ELP4: variants seen among roughly 807,000 people sequenced by gnomAD.
The protein encoded by ELP4 is elongator acetyltransferase complex subunit 4.
Under a neutral mutation model 48.9 loss-of-function variants are expected in ELP4, and 51 were observed. The observed-to-expected ratio is 1.04, with a 90% confidence interval of 0.83 to 1.32. ELP4 has a LOEUF of 1.32. Ranked by LOEUF, ELP4 falls within the 40% of genes most tolerant of loss-of-function variation. The pLI is 0.00. For synonymous variants in ELP4, 210 were observed against 189.2 expected, an observed-to-expected ratio of 1.11 and a Z score of -0.90; for missense variants, 519 against 514.6, an observed-to-expected ratio of 1.01 and a Z score of -0.08.
chr11:31,698,390 C>T (rs1214545136), intron 9 of ELP4, among the ~76,000 whole-genome samples: 1 of 152,018 alleles, frequency 6.6e-6, no homozygotes, highest in African/African-American at 2.4e-5. Flanking sequence ...TATGTATATG[C>T]TTACAATTAC....
chr11:31,725,646 TA>T (rs1947059818), intron 9 of ELP4, among the ~76,000 whole-genome samples: 1 of 152,168 alleles, frequency 6.6e-6, no homozygotes, highest in African/African-American at 2.4e-5. Flanking sequence ...CTTCACAAAA[TA>T]AAATCTTTTC....
chr11:31,722,485 T>G (rs1306195486), intron 9 of ELP4, among the ~76,000 whole-genome samples: 1 of 152,162 alleles, frequency 6.6e-6, no homozygotes, highest in Non-Finnish European at 1.5e-5. Context: ...TCAGTGAAAA[T>G]GCCTAGTAAA....
chr11:31,538,880 T>G (rs1956548759), intron 2 of ELP4, among the ~76,000 whole-genome samples: 2 of 152,102 alleles, frequency 1.3e-5, no homozygotes, highest in Admixed American at 6.6e-5. Flanking sequence ...CTGAAAAGAG[T>G]ACATGTGGGA....
At chr11:31,780,343 G>A (rs773165644) in intron 9 of ELP4, among the ~76,000 whole-genome samples, 1 of 152,084 alleles carries the variant, frequency 6.6e-6, no homozygotes, top group African/African-American at 2.4e-5. Context: ...CTGACATGGC[G>A]CACAGGGGGA....
At chr11:31,655,840 T>A (rs1020467401) in intron 9 of ELP4, among the ~76,000 whole-genome samples, 1 of 152,030 alleles carries the variant, frequency 6.6e-6, no homozygotes, top group Non-Finnish European at 1.5e-5. Flanking sequence ...TGAAAGCTTA[T>A]TCCCTTTGAT....
chr11:31,559,368 G>T (rs1332357758), intron 3 of ELP4, among the ~76,000 whole-genome samples: 1 of 152,190 alleles, frequency 6.6e-6, no homozygotes, highest in African/African-American at 2.4e-5. Context: ...CCTTTGAAAT[G>T]TGTTTGTTGT....
chr11:31,735,999 A>C (rs1168442513), intron 9 of ELP4, among the ~76,000 whole-genome samples: 1 of 152,184 alleles, frequency 6.6e-6, no homozygotes, highest in Non-Finnish European at 1.5e-5. Context: ...TGGAACCAAA[A>C]AAGAGCCCGC....
chr11:31,653,346 G>A (rs111446741), intron 9 of ELP4: 3 of 151,696 alleles, frequency 2.0e-5, no homozygotes, highest in Non-Finnish European at 4.4e-5. Flanking sequence ...GCTATATATA[G>A]TAACAGTCTG....
intron 9 of ELP4, chr11:31,652,642 A>G (rs1459488968): frequency 6.6e-6 from 1 of 151,778 alleles, no homozygotes; most frequent in Non-Finnish European, 1.5e-5. Context: ...ACTAGCCTGT[A>G]AAGTCTGAGA....
intron 8 of ELP4, chr11:31,648,137 A>G (rs950580227): frequency 4.5e-6 from 1 of 223,264 alleles, no homozygotes; most frequent in African/African-American, 2.3e-5. Context: ...AATCAGTCAT[A>G]CTTACTAGCC....
At chr11:31,608,823 T>C (rs1457175628) in intron 5 of ELP4, among the ~76,000 whole-genome samples, 1 of 151,990 alleles carries the variant, frequency 6.6e-6, no homozygotes, top group Non-Finnish European at 1.5e-5. Flanking sequence ...GAAGGGTAAG[T>C]GGGTGCTAAA....
chr11:31,741,979 A>G (rs1013856970), intron 9 of ELP4, among the ~76,000 whole-genome samples: 2 of 152,156 alleles, frequency 1.3e-5, no homozygotes, highest in African/African-American at 4.8e-5. Context: ...ACCAATGGCA[A>G]AGAAGTTAAA....
intron 2 of ELP4, among the ~76,000 whole-genome samples, chr11:31,525,078 C>T (rs1317126283): frequency 6.6e-6 from 1 of 152,174 alleles, no homozygotes; most frequent in Non-Finnish European, 1.5e-5. Context: ...TACAGCCGTG[C>T]TTATTCATGT....
At chr11:31,625,824 G>C (rs552073418) in intron 5 of ELP4, among the ~76,000 whole-genome samples, 1 of 151,716 alleles carries the variant, frequency 6.6e-6, no homozygotes, top group Non-Finnish European at 1.5e-5. Context: ...GGATAGATGT[G>C]TGTTAAGATA....
At chr11:31,572,469 A>G (rs1193593100) in intron 3 of ELP4, among the ~76,000 whole-genome samples, 1 of 152,106 alleles carries the variant, frequency 6.6e-6, no homozygotes, top group Non-Finnish European at 1.5e-5. Flanking sequence ...GCTCATTGTC[A>G]TGTCACATTT....
intron 5 of ELP4, among the ~76,000 whole-genome samples, chr11:31,613,440 A>G (rs1168945682): frequency 6.6e-6 from 1 of 152,174 alleles, no homozygotes; most frequent in Non-Finnish European, 1.5e-5. Context: ...AATGCCAAAC[A>G]TTATTGAAAT....
At chr11:31,708,915 A>C (rs1037123980) in intron 9 of ELP4, among the ~76,000 whole-genome samples, 2 of 152,170 alleles carry the variant, frequency 1.3e-5, no homozygotes, top group African/African-American at 4.8e-5. Context: ...TGTAGTAAAA[A>C]TGTTATTTAA....
In ELP4 at chr11:31,783,705, C is replaced by A; in HGVS notation, c.*181C>A. ...TTACAGAACTAGCACAGCAGAAATA[C>A]TTTTAAATTTTTCCTTCATGCTCTA... On this transcript the variant is annotated 3_prime_UTR_variant, in exon 10 of 10. Coordinates refer to ENST00000640961, the MANE Select transcript of ELP4 (RefSeq NM_019040.5). The A allele has an allele frequency of 1.9e-6, 1 of 525,254 alleles. No individual in the cohort carries two copies. 32.5% of individuals were successfully genotyped at this position (525,254 alleles called of 1,614,324 possible).
intron 5 of ELP4, among the ~76,000 whole-genome samples, chr11:31,619,081 A>G (rs954729998): frequency 4.6e-5 from 7 of 152,080 alleles, no homozygotes; most frequent in Non-Finnish European, 7.4e-5. Flanking sequence ...TTTGGTGCAG[A>G]AAAATAGAGT....
Sources: gnomAD v4.1 joint callset for allele counts (sites outside exome capture counted in the v4.1 genomes callset) on GRCh38, gnomAD v4.1.1 for gene constraint, MANE v1.5 for transcripts, NCBI Gene and HGNC (gene_info 2026-07-23, HGNC 2026-07-21) for gene names.